UNC13B: variants seen among roughly 807,000 people sequenced by gnomAD.
UNC13B encodes unc-13 homolog B, also known as protein unc-13 homolog B.
UNC13B carries 144 observed loss-of-function variants against 211.0 expected under a neutral mutation model. That is an observed-to-expected ratio of 0.68 (90% CI 0.60 to 0.78). UNC13B has a LOEUF of 0.78. Among genes scored for constraint, UNC13B ranks in the 30% least tolerant of loss-of-function variants. The probability of loss-of-function intolerance (pLI) is 0.00; values close to 1 mark genes in which losing one functional copy is unlikely to be tolerated. For synonymous variants in UNC13B, 709 were observed against 725.8 expected (o/e 0.98, Z 0.37); for missense variants, 1,777 against 2,002.0 (o/e 0.89, Z 2.14).
chr9:35,288,145 G>C (rs996429434), intron 7 of UNC13B, among the ~76,000 whole-genome samples: 1 of 151,982 alleles, frequency 6.6e-6, no homozygotes, highest in Admixed American at 6.6e-5. Flanking sequence ...CAACAGATGA[G>C]TGCACCATTC....
chr9:35,187,229 T>C (rs917210208), intron 1 of UNC13B, among the ~76,000 whole-genome samples: 1 of 152,186 alleles, frequency 6.6e-6, no homozygotes, highest in African/African-American at 2.4e-5. Flanking sequence ...AGTTTCTTGG[T>C]TTTATTTTCC....
At chr9:35,222,329 T>G (rs1301585849) in intron 1 of UNC13B, among the ~76,000 whole-genome samples, 1 of 152,220 alleles carries the variant, frequency 6.6e-6, no homozygotes, top group Non-Finnish European at 1.5e-5. Context: ...TTGATTTCTC[T>G]CCTCAGTGTT....
chr9:35,213,897 A>G (rs956565716), intron 1 of UNC13B, among the ~76,000 whole-genome samples: 6 of 152,064 alleles, frequency 3.9e-5, no homozygotes, highest in Non-Finnish European at 4.4e-5. Context: ...TTTGGGCCAC[A>G]CTCTCACATC....
intron 1 of UNC13B, among the ~76,000 whole-genome samples, chr9:35,196,613 T>C (rs975110237): frequency 3.9e-5 from 6 of 152,220 alleles, no homozygotes; most frequent in African/African-American, 1.4e-4. Context: ...GGCTGGAGTT[T>C]TATAAGAACC....
intron 10 of UNC13B, among the ~76,000 whole-genome samples, chr9:35,312,218 G>A (rs1180390934): frequency 6.6e-6 from 1 of 152,232 alleles, no homozygotes; most frequent in Non-Finnish European, 1.5e-5. Flanking sequence ...AAACACCAGA[G>A]CACTGAATGC....
intron 11 of UNC13B, among the ~76,000 whole-genome samples, chr9:35,349,072 C>A (rs1194447544): frequency 6.6e-6 from 1 of 152,140 alleles, no homozygotes; most frequent in Non-Finnish European, 1.5e-5. Context: ...CACCTGCCAT[C>A]ACTCCCAGCT....
At chr9:35,353,869 C>A in intron 11 of UNC13B, 2 of 1,101,296 alleles carry the variant, frequency 1.8e-6, no homozygotes, top group Non-Finnish European at 2.3e-6. Context: ...CTCCATCTGG[C>A]CAGCATGAGA....
intron 6 of UNC13B, 124 bp from the exon 7 acceptor site, chr9:35,258,869 C>T: frequency 1.2e-6 from 1 of 817,070 alleles, no homozygotes; most frequent in South Asian, 1.8e-5. Context: ...TGTTCTGTTT[C>T]TGTTCAATAA....
At chr9:35,208,122 A>C (rs540908958) in intron 1 of UNC13B, among the ~76,000 whole-genome samples, 1 of 152,322 alleles carries the variant, frequency 6.6e-6, no homozygotes, top group South Asian at 2.1e-4. Flanking sequence ...AGAGCGTGTT[A>C]CTTTGCCAAC....
At chr9:35,278,025 T>A (rs778039469) in intron 7 of UNC13B, among the ~76,000 whole-genome samples, 6 of 152,226 alleles carry the variant, frequency 3.9e-5, no homozygotes, top group Non-Finnish European at 7.3e-5. Flanking sequence ...TCGAGATGTG[T>A]TCATTGAAAT....
chr9:35,182,464 ATTTTTATTTTTATTTT>A, intron 1 of UNC13B, among the ~76,000 whole-genome samples: 1 of 151,084 alleles, frequency 6.6e-6, no homozygotes, highest in African/African-American at 2.4e-5. Context: ...ATTTTTATTT[ATTTTTATTTTTATTTT>A]TTTTAGTATT....
intron 29 of UNC13B, 110 bp from the exon 30 acceptor site, chr9:35,397,525 T>G: frequency 7.4e-7 from 1 of 1,352,480 alleles, no homozygotes; most frequent in Non-Finnish European, 1.0e-6. Flanking sequence ...GGATTCCCCC[T>G]TTACCTCCCT....
chr9:35,381,784 T>C (rs1834858472), intron 20 of UNC13B, 65 bp downstream of exon 20: 2 of 1,578,218 alleles, frequency 1.3e-6, no homozygotes, highest in East Asian at 2.2e-5. Context: ...TAAGGCACAC[T>C]GACATGGTGG....
intron 1 of UNC13B, among the ~76,000 whole-genome samples, chr9:35,177,923 A>G (rs754852627): frequency 2.7e-4 from 41 of 152,352 alleles, no homozygotes; most frequent in Admixed American, 5.2e-4. Context: ...TTATGGTGTC[A>G]CTCATTAATT....
At chr9:35,220,424 T>TC (rs939179147) in intron 1 of UNC13B, among the ~76,000 whole-genome samples, 13 of 151,258 alleles carry the variant, frequency 8.6e-5, no homozygotes, top group Admixed American at 8.0e-4. Context: ...CATCCCCACT[T>TC]CCCCCCCAAC....
intron 2 of UNC13B, 60 bp from the exon 3 acceptor site, chr9:35,231,058 TTG>T: frequency 3.6e-6 from 4 of 1,122,328 alleles, no homozygotes; most frequent in Non-Finnish European, 4.0e-6. Flanking sequence ...TCCAAGGGCT[TTG>T]TGAGATGGGT....
At chr9:35,374,974 GT>G in intron 13 of UNC13B, 152 bp from the exon 14 acceptor site, 3 of 760,958 alleles carry the variant, frequency 3.9e-6, no homozygotes, top group African/African-American at 1.7e-5. Context: ...TGGGACACTT[GT>G]CACCTGTTAG....
chr9:35,384,780 T>C, intron 22 of UNC13B: 2 of 957,922 alleles, frequency 2.1e-6, no homozygotes, highest in South Asian at 4.8e-5. Context: ...CCATTCCTAG[T>C]ATAAAGGGAG....
chr9:35,188,535 A>G (rs927081187), intron 1 of UNC13B, among the ~76,000 whole-genome samples: 2 of 152,214 alleles, frequency 1.3e-5, no homozygotes, highest in African/African-American at 4.8e-5. Context: ...TTATGTGACA[A>G]AACATGCCAA....
Sources: allele counts gnomAD v4.1 joint callset (sites outside exome capture counted in the v4.1 genomes callset), GRCh38; gene constraint gnomAD v4.1.1; transcripts MANE v1.5; gene names NCBI Gene and HGNC (gene_info 2026-07-23, HGNC 2026-07-21).